PRMT8: variants seen among roughly 807,000 people sequenced by gnomAD.
The protein encoded by PRMT8 is protein arginine methyltransferase 8.
A neutral mutation model predicts 47.1 loss-of-function variants in PRMT8; 7 were observed. The ratio of observed to expected loss-of-function variants is 0.15; its 90% CI spans 0.08 to 0.28. PRMT8 has a LOEUF of 0.28. Ranked by LOEUF, PRMT8 falls within the 10% of genes least tolerant of loss-of-function variation. PRMT8 has a pLI of 1.00. For missense variants in PRMT8, 237 were observed against 505.4 expected (o/e 0.47, Z 5.09); for synonymous variants, 188 against 186.5 (o/e 1.01, Z -0.07).
At chr12:3,544,111 T>C (rs1866283519) in intron 2 of PRMT8, among the ~76,000 whole-genome samples, 1 of 152,252 alleles carries the variant, frequency 6.6e-6, no homozygotes. Flanking sequence ...GGCAGTCATA[T>C]ATTTAATAGG....
At chr12:3,523,297 T>C (rs529017327) in intron 1 of PRMT8, among the ~76,000 whole-genome samples, 12 of 152,270 alleles carry the variant, frequency 7.9e-5, no homozygotes, top group African/African-American at 2.9e-4. Flanking sequence ...CTACGCCACC[T>C]AACTGTAAAA....
intron 1 of PRMT8, among the ~76,000 whole-genome samples, chr12:3,477,781 A>G (rs757189222): frequency 1.0e-3 from 158 of 152,298 alleles, no homozygotes; most frequent in Non-Finnish European, 2.0e-3. Flanking sequence ...TTAAGACTGA[A>G]GATTGACTTG....
At chr12:3,568,336 C>A (rs1196131843) in intron 4 of PRMT8, among the ~76,000 whole-genome samples, 1 of 131,314 alleles carries the variant, frequency 7.6e-6, no homozygotes, top group Non-Finnish European at 1.6e-5. Context: ...GGCAGGCACA[C>A]TTGGTGTAAA....
chr12:3,562,395 G>C (rs187457926), intron 4 of PRMT8, among the ~76,000 whole-genome samples: 135 of 151,876 alleles, frequency 8.9e-4, no homozygotes, highest in Non-Finnish European at 1.5e-3. Context: ...AGTTCGTGGT[G>C]TGACTAGCAC....
In PRMT8 at chr12:3,583,895, G is replaced by T. The variant is rs886577744; in HGVS notation, c.979+687G>T. On this transcript the variant is annotated intron_variant, in intron 8 of 9. Transcript: ENST00000382622. This position sits in a 1 kb window ranked among gnomAD's most constrained non-coding sequence, Gnocchi z 4.7. The stretch of plus-strand genomic sequence containing the variant: ...ACCCCACAGGTGGCCCAGCTACACC[G>T]AGCTCCTTGCTGACTTCTAAACTCA... Among the ~76,000 whole-genome samples the T allele has an allele frequency of 2.0e-5, 3 of 152,168 alleles. No individual in the cohort carries two copies. Among genetic ancestry groups the T allele is most frequent in the Admixed American group, 6.5e-5 (1 of 15,276 alleles).
chr12:3,484,954 C>T (rs1865308334), intron 1 of PRMT8, among the ~76,000 whole-genome samples: 1 of 152,044 alleles, frequency 6.6e-6, no homozygotes. Flanking sequence ...CTGGTATGGG[C>T]AGGGGTGGCA....
At chr12:3,571,787 T>G (rs1866851972) in intron 6 of PRMT8, among the ~76,000 whole-genome samples, 1 of 152,198 alleles carries the variant, frequency 6.6e-6, no homozygotes, top group Non-Finnish European at 1.5e-5. Flanking sequence ...TAATCTATTT[T>G]TTTGTAAAGG....
chr12:3,434,991 A>G (rs1864722815), intron 1 of PRMT8, among the ~76,000 whole-genome samples: 1 of 139,902 alleles, frequency 7.1e-6, no homozygotes, highest in African/African-American at 2.9e-5. Context: ...TTTTTTCAGA[A>G]GGAGTCTTGC....
chr12:3,454,385 ATCAC>A (rs1864952466), intron 1 of PRMT8, among the ~76,000 whole-genome samples: 2 of 152,120 alleles, frequency 1.3e-5, no homozygotes, highest in African/African-American at 2.4e-5. Flanking sequence ...TCCCCTAAGA[ATCAC>A]TCACTCCAGA....
chr12:3,557,822 A>T lies in PRMT8; in HGVS notation c.481+4108A>T, dbSNP rs1048591805. On this transcript the variant is annotated intron_variant, in intron 4 of 9. Transcript: ENST00000382622. The surrounding 1 kb of genome is among the most constrained non-coding windows in gnomAD (Gnocchi z 4.7). ...GAGCCTGAAAGCCTGTTGGGAGGGGAGGCAGTGTGTGGGCACAGCAGGATC... is the reference window on the plus strand; with the variant it reads ...GAGCCTGAAAGCCTGTTGGGAGGGGTGGCAGTGTGTGGGCACAGCAGGATC... 3.3e-5 allele frequency among the ~76,000 whole-genome samples: 5 copies of T among 151,362 alleles called. No individual in the cohort carries two copies. Among genetic ancestry groups the T allele is most frequent in the African/African-American group, 1.2e-4 (5 of 41,152 alleles).
intron 1 of PRMT8, among the ~76,000 whole-genome samples, chr12:3,384,170 A>C (rs1285271113): frequency 6.6e-6 from 1 of 152,152 alleles, no homozygotes; most frequent in Non-Finnish European, 1.5e-5. Flanking sequence ...GGAAACAGTC[A>C]GTATTTCACC....
intron 1 of PRMT8, among the ~76,000 whole-genome samples, chr12:3,411,831 A>AT (rs1864434290): frequency 6.6e-6 from 1 of 152,232 alleles, no homozygotes; most frequent in African/African-American, 2.4e-5. Flanking sequence ...CAGAACCTTC[A>AT]TGTTAGACTT....
rs1454343522 is a variant in PRMT8, at chr12:3,580,978, A to G, written c.829-2080A>G. 5.3e-5 allele frequency among the ~76,000 whole-genome samples: 8 copies of G among 152,186 alleles called. No individual in the cohort carries two copies. The highest frequency in any genetic ancestry group is 1.7e-4 in the African/African-American group (7 of 41,442). On this transcript the variant is annotated intron_variant, in intron 7 of 9. Transcript: ENST00000382622. The surrounding 1 kb of genome is among the most constrained non-coding windows in gnomAD (Gnocchi z 4.6). ...ATATACTCAGTCTAAAACGTTTCCTAGATTTGAGCAATGGCCCACGCTAAC... is the reference window on the plus strand; with the variant it reads ...ATATACTCAGTCTAAAACGTTTCCTGGATTTGAGCAATGGCCCACGCTAAC...
chr12:3,531,735 G>T (rs1214595032), intron 1 of PRMT8, among the ~76,000 whole-genome samples: 1 of 152,306 alleles, frequency 6.6e-6, no homozygotes, highest in Non-Finnish European at 1.5e-5. Context: ...ACCAGTGACC[G>T]GCCCAAGGTC....
chr12:3,486,488 G>A (rs1284165697), upstream of PRMT8, among the ~76,000 whole-genome samples: 2 of 152,032 alleles, frequency 1.3e-5, no homozygotes, highest in Non-Finnish European at 2.9e-5. Flanking sequence ...AAAGTTAACA[G>A]AAAAAAATAT....
At chr12:3,530,869 C>T (rs1479874003) in intron 1 of PRMT8, among the ~76,000 whole-genome samples, 2 of 152,236 alleles carry the variant, frequency 1.3e-5, no homozygotes, top group Non-Finnish European at 2.9e-5. Flanking sequence ...CAGCGTCTTC[C>T]AGTCATCACC....
intron 1 of PRMT8, among the ~76,000 whole-genome samples, chr12:3,459,750 G>A (rs1312524026): frequency 3.9e-5 from 6 of 152,124 alleles, no homozygotes; most frequent in Non-Finnish European, 8.8e-5. Flanking sequence ...GATGGAAGAC[G>A]CTGGAGCCTT....
intron 4 of PRMT8, among the ~76,000 whole-genome samples, 194 bp downstream of exon 4, chr12:3,553,908 C>A (rs1435893752): frequency 3.9e-5 from 6 of 152,210 alleles, no homozygotes; most frequent in Non-Finnish European, 7.3e-5. Flanking sequence ...AGCTGAGGAT[C>A]ACAGCCACCC....
At chr12:3,553,772 T>C (rs1020787809) in intron 4 of PRMT8, 58 bp downstream of exon 4, 7 of 1,465,852 alleles carry the variant, frequency 4.8e-6, no homozygotes, top group Middle Eastern at 1.7e-4. Flanking sequence ...GCTCACACTT[T>C]CTTGTTGGGA....
Sources: allele counts gnomAD v4.1 joint callset (sites outside exome capture counted in the v4.1 genomes callset), GRCh38; gene constraint gnomAD v4.1.1; non-coding constraint Gnocchi (gnomAD v3.1); transcripts MANE v1.5; gene names NCBI Gene and HGNC (gene_info 2026-07-23, HGNC 2026-07-21).